The following CRCP variants were observed in gnomAD, a reference collection of about 807,000 sequenced individuals.
CRCP encodes DNA-directed RNA polymerase III subunit RPC9.
In CRCP, 18 loss-of-function variants were observed where a neutral mutation model predicts 18.5. That is an observed-to-expected ratio of 0.97 (90% CI 0.67 to 1.44). CRCP has a LOEUF of 1.44. Ranked by LOEUF, CRCP falls within the 40% of genes most tolerant of loss-of-function variation. CRCP has a pLI of 0.00. For missense variants in CRCP, 130 were observed against 176.4 expected (o/e 0.74, Z 1.49); for synonymous variants, 53 against 62.9 (o/e 0.84, Z 0.75).
rs963817047 is a variant in CRCP at position 66,154,121 on chromosome 7, G to A, written c.*1764G>A. ...TCTAGCGTATTGAGAATTTTAGTGG[G>A]AGCTGTTGATTTATTTCTCAGGGCA... On this transcript the variant is annotated 3_prime_UTR_variant, in exon 6 of 6. Transcript: ENST00000395326. 6.6e-6 allele frequency: 1 copy of A among 151,764 alleles called. No homozygotes were observed. The highest frequency in any genetic ancestry group is 2.4e-5 in the African/African-American group (1 of 41,320). The allele number at this position is 151,764 out of a possible 1,614,324, so 9.4% of individuals were successfully genotyped here.
At chr7:66,130,530 A>T (rs1023999952) in intron 2 of CRCP, among the ~76,000 whole-genome samples, 3 of 152,190 alleles carry the variant, frequency 2.0e-5, no homozygotes, top group Non-Finnish European at 4.4e-5. Flanking sequence ...TAAATTAATG[A>T]ATTTGAATTA....
At chr7:66,138,380 T>G (rs1788031170) in intron 4 of CRCP, among the ~76,000 whole-genome samples, 1 of 151,844 alleles carries the variant, frequency 6.6e-6, no homozygotes, top group Admixed American at 6.6e-5. Flanking sequence ...CTCTATATTT[T>G]GAAAAATAAT....
At chr7:66,139,153 T>C (rs1465379717) in intron 4 of CRCP, among the ~76,000 whole-genome samples, 1 of 152,158 alleles carries the variant, frequency 6.6e-6, no homozygotes, top group Non-Finnish European at 1.5e-5. Flanking sequence ...AAGGTTTCAC[T>C]CTGTTGCCCA....
At chr7:66,142,744 A>G (rs997704352) in intron 4 of CRCP, among the ~76,000 whole-genome samples, 11 of 152,154 alleles carry the variant, frequency 7.2e-5, no homozygotes, top group Admixed American at 5.9e-4. Flanking sequence ...TGATCCTCCT[A>G]CTTTAGCCTC....
intron 1 of CRCP, among the ~76,000 whole-genome samples, chr7:66,118,282 T>TCTCTA (rs1305873120): frequency 1.6e-4 from 24 of 152,230 alleles, no homozygotes; most frequent in Admixed American, 1.4e-3. Flanking sequence ...GGCCACCTGT[T>TCTCTA]CTTGAAGGTT....
At chr7:66,150,388 A>C (rs751818094) in intron 5 of CRCP, among the ~76,000 whole-genome samples, 1 of 100,620 alleles carries the variant, frequency 9.9e-6, no homozygotes, top group Non-Finnish European at 2.1e-5. Context: ...TCTTTCTCAG[A>C]AGAGAATTTA....
chr7:66,119,413 T>TA (rs1787366369), intron 1 of CRCP, among the ~76,000 whole-genome samples: 1 of 152,098 alleles, frequency 6.6e-6, no homozygotes, highest in Non-Finnish European at 1.5e-5. Context: ...TCTAGCAAAT[T>TA]AATGAAGCCT....
Position 66,152,378 on chromosome 7 carries a change from C to G in CRCP, c.*21C>G. The G allele has an allele frequency of 6.2e-7, 1 of 1,612,354 alleles. No homozygotes were observed. On this transcript the variant is annotated 3_prime_UTR_variant, in exon 6 of 6. Coordinates refer to ENST00000395326, the MANE Select transcript of CRCP (RefSeq NM_014478.5). ...CATAGAAGAGCACAGCTGGCCCCGG[C>G]GTTTCATGAAGTCAGAAGGCCTGGC...
chr7:66,132,238 C>T (rs951355610), intron 3 of CRCP, among the ~76,000 whole-genome samples: 9 of 152,126 alleles, frequency 5.9e-5, no homozygotes, highest in Non-Finnish European at 1.0e-4. Context: ...CCCTGTTTTC[C>T]CATTGCTGTC....
At chr7:66,137,986 T>C (rs1227705097) in intron 4 of CRCP, among the ~76,000 whole-genome samples, 3 of 152,238 alleles carry the variant, frequency 2.0e-5, no homozygotes, top group Non-Finnish European at 4.4e-5. Context: ...AATAGTCTTT[T>C]TGTCATCATT....
rs1267360607 is a variant in CRCP, at chr7:66,153,905, T to G, written c.*1548T>G. ...GAAACCCCCATCTCTACTAAAGATA[T>G]AAAAAACTAGCCGAGCGTGGTGTTG... On this transcript the variant is annotated 3_prime_UTR_variant, in exon 6 of 6. Transcript: ENST00000395326. 6.6e-6 allele frequency: 1 copy of G among 151,640 alleles called. No homozygotes were observed. The highest frequency in any genetic ancestry group is 2.4e-5 in the African/African-American group (1 of 41,298). The allele number at this position is 151,640 out of a possible 1,614,324, so 9.4% of individuals were successfully genotyped here.
chr7:66,131,176 A>G (rs1287378813), intron 3 of CRCP, among the ~76,000 whole-genome samples: 2 of 151,922 alleles, frequency 1.3e-5, no homozygotes, highest in Non-Finnish European at 2.9e-5. Flanking sequence ...GGGTTTCACC[A>G]TGTTAGCCAG....
chr7:66,128,114 C>CAAA (rs5884582), intron 2 of CRCP, among the ~76,000 whole-genome samples: 47 of 130,486 alleles, frequency 3.6e-4, no homozygotes, highest in African/African-American at 9.6e-4. Context: ...GGCTCTGTCT[C>CAAA]AAAAAAAAAA....
At chr7:66,141,349 C>T (rs1455779046) in intron 4 of CRCP, among the ~76,000 whole-genome samples, 1 of 152,120 alleles carries the variant, frequency 6.6e-6, no homozygotes, top group Non-Finnish European at 1.5e-5. Context: ...TCATTAACCA[C>T]GTGCACTTCT....
rs375579339 is a variant in CRCP at position 66,120,287 on chromosome 7, G to A, written c.8+5317G>A. On this transcript the variant is annotated intron_variant, in intron 1 of 5. Coordinates refer to ENST00000395326, the MANE Select transcript of CRCP (RefSeq NM_014478.5). ...GTGGAACCTGAGGCTAAGGAAAGCC[G>A]ACTGTATAAATTCATTAGCTAGCAT... Among the ~76,000 whole-genome samples, 9 of 152,190 alleles carry A rather than the reference G, an allele frequency of 5.9e-5. No individual in the cohort carries two copies. The South Asian group carries it at 1.0e-3, about 18-fold the overall frequency.
At chr7:66,122,957 T>TTC (rs1356473564) in intron 1 of CRCP, among the ~76,000 whole-genome samples, 2 of 8,114 alleles carry the variant, frequency 2.5e-4, no homozygotes, top group African/African-American at 2.3e-3. Flanking sequence ...CTTTCTTTCT[T>TTC]TTTTTTTTTT....
In CRCP at chr7:66,115,048, G is replaced by A. The variant is rs1347107859; in HGVS notation, c.8+78G>A. 2.6e-6 allele frequency: 4 copies of A among 1,561,648 alleles called. No individual in the cohort carries two copies. The African/African-American group carries it at 4.1e-5, about 16-fold the overall frequency. ...CGCTGAGAGCTGAGAGCCGAGAGCC[G>A]TGGGGACTGGGCGACCCTCGTACGG... is the stretch of plus-strand genomic sequence containing the variant. On this transcript the variant is annotated intron_variant, in intron 1 of 5. Coordinates refer to ENST00000395326, the MANE Select transcript of CRCP (RefSeq NM_014478.5).
chr7:66,129,903 G>C (rs966507216), intron 2 of CRCP, among the ~76,000 whole-genome samples: 1 of 152,004 alleles, frequency 6.6e-6, no homozygotes, highest in Non-Finnish European at 1.5e-5. Context: ...ACAGGAATGA[G>C]ACTAAGATTC....
chr7:66,123,424 A>G, intron 1 of CRCP, among the ~76,000 whole-genome samples: 1 of 152,134 alleles, frequency 6.6e-6, no homozygotes, highest in East Asian at 1.9e-4. Context: ...TATAATTGCT[A>G]GATGTGTCTA....
Sources: gnomAD v4.1 joint callset for allele counts (sites outside exome capture counted in the v4.1 genomes callset) on GRCh38, gnomAD v4.1.1 for gene constraint, MANE v1.5 for transcripts, NCBI Gene and HGNC (gene_info 2026-07-23, HGNC 2026-07-21) for gene names.